Variants in ATP6AP2 observed in about 807,000 individuals in gnomAD.
ATP6AP2 encodes ATPase H+ transporting accessory protein 2.
Under a neutral mutation model 23.4 loss-of-function variants are expected in ATP6AP2, and 1 was observed. The observed-to-expected ratio is 0.04, with a 90% CI of 0.02 to 0.20. The LOEUF (loss-of-function observed/expected upper bound fraction) is 0.20. Among genes scored for constraint, ATP6AP2 ranks in the 10% least tolerant of loss-of-function variants. ATP6AP2 has a pLI of 1.00. For missense variants in ATP6AP2, 174 were observed against 271.3 expected (o/e 0.64, Z 2.52); for synonymous variants, 90 against 97.1 (o/e 0.93, Z 0.43).
chrX:40,589,808 C>T (rs1926576250), intron 2 of ATP6AP2: 2 of 111,406 alleles, frequency 1.8e-5, no homozygotes, highest in Admixed American at 1.9e-4. Context: ...ACAGCTTGCT[C>T]GGTGCTATCA....
chrX:40,589,332 A>C (rs1926563798), intron 2 of ATP6AP2: 1 of 401,290 alleles, frequency 2.5e-6, no homozygotes, highest in African/African-American at 2.5e-5. Context: ...CAGGAATTTG[A>C]GACCAACCTG....
chrX:40,605,660 G>A lies in ATP6AP2; in HGVS notation c.958G>A (p.Ala320Thr). ...VLWIMIALAL[A>T]VIITSYNIWN... is the part of the protein sequence containing the mutation. ...TTGGATAATGATCGCCTTGGCCTTG[G>A]CTGTGATTATCACCTCTTACAATAT... Residue 320 changes from alanine to threonine, a missense_variant, in exon 9 of 9, where the codon GCT (alanine) becomes ACT (threonine). By Grantham distance (58) the Ala-to-Thr change is moderately conservative. Transcript: ENST00000636580. 3.3e-6 allele frequency: 4 copies of A among 1,207,104 alleles called. No individual in the cohort carries two copies. Among genetic ancestry groups the A allele is most frequent in the Non-Finnish European group, 2.2e-6 (2 of 891,496 alleles).
At chrX:40,599,413 A>T in intron 6 of ATP6AP2, 179 bp from the exon 7 acceptor site, 1 of 493,728 alleles carries the variant, frequency 2.0e-6, no homozygotes, top group Non-Finnish European at 3.4e-6. Context: ...TGGATTTATC[A>T]GAAACGCTTA....
At chrX:40,591,980 C>T (rs2056353696) in intron 3 of ATP6AP2, 1 of 113,027 alleles carries the variant, frequency 8.8e-6, no homozygotes, top group African/African-American at 3.2e-5. Context: ...GAAGCTGACG[C>T]TGAAACTGTG....
rs146782503 is a variant in ATP6AP2 at position 40,593,999 on chromosome X, A to G, written c.300+2634A>G. Among the ~76,000 whole-genome samples, 757 of 111,589 alleles carry G rather than the reference A, an allele frequency of 6.8e-3. 5 individuals carry two copies. The highest frequency in any genetic ancestry group is 0.023 in the African/African-American group (697 of 30,688). Reference sequence around the variant, plus strand: ...TTGCTGGATCATGCTTTAGTGATCTATTGCACAAAATGGTGACTATATTAA... The same window carrying G: ...TTGCTGGATCATGCTTTAGTGATCTGTTGCACAAAATGGTGACTATATTAA... On this transcript the variant is annotated intron_variant, in intron 3 of 8. Coordinates refer to ENST00000636580, the MANE Select transcript of ATP6AP2 (RefSeq NM_005765.3).
At chrX:40,598,066 T>G (rs952197565) in intron 5 of ATP6AP2, 2 of 202,545 alleles carry the variant, frequency 9.9e-6, no homozygotes, top group Non-Finnish European at 9.0e-6. Flanking sequence ...ATCTACTTGG[T>G]GACTGGTGGA....
intron 8 of ATP6AP2, among the ~76,000 whole-genome samples, chrX:40,601,797 A>C (rs1926912958): frequency 8.9e-6 from 1 of 111,739 alleles, no homozygotes; most frequent in African/African-American, 3.3e-5. Flanking sequence ...TGGGACTTGG[A>C]GTCGGAAGGT....
intron 2 of ATP6AP2, 92 bp downstream of exon 2, chrX:40,589,208 A>G: frequency 9.6e-7 from 1 of 1,038,252 alleles, no homozygotes; most frequent in Non-Finnish European, 1.3e-6. Context: ...AAACGAACGT[A>G]GGTACGTTTG....
intron 1 of ATP6AP2, among the ~76,000 whole-genome samples, chrX:40,583,141 G>A (rs1926371649): frequency 8.9e-6 from 1 of 112,364 alleles, no homozygotes; most frequent in South Asian, 3.6e-4. Flanking sequence ...ATATCATGAG[G>A]CGTATTTGAT....
At chrX:40,604,642 C>T (rs111882580) in intron 8 of ATP6AP2, among the ~76,000 whole-genome samples, 2,279 of 111,512 alleles carry the variant, frequency 0.02, 54 homozygotes, top group African/African-American at 0.071. Flanking sequence ...CCTATTTTCT[C>T]CCTCTACCCT....
intron 8 of ATP6AP2, among the ~76,000 whole-genome samples, chrX:40,603,788 C>T (rs190728615): frequency 1.9e-4 from 21 of 111,183 alleles, no homozygotes; most frequent in African/African-American, 6.5e-4. Flanking sequence ...TGTCCCAGGC[C>T]GGAGTGCAGT....
intron 1 of ATP6AP2, among the ~76,000 whole-genome samples, chrX:40,585,679 C>A (rs1054344704): frequency 9.1e-6 from 1 of 109,568 alleles, no homozygotes; most frequent in Non-Finnish European, 1.9e-5. Flanking sequence ...CGTAGTGAAA[C>A]CCTGTCTCTA....
intron 1 of ATP6AP2, among the ~76,000 whole-genome samples, chrX:40,582,622 GTTTC>G (rs1034325122): frequency 9.0e-6 from 1 of 111,708 alleles, no homozygotes; most frequent in African/African-American, 3.3e-5. Flanking sequence ...CGAGTTCTTT[GTTTC>G]TTTCTTCTGT....
At chrX:40,602,296 T>A (rs1296912368) in intron 8 of ATP6AP2, among the ~76,000 whole-genome samples, 2 of 92,431 alleles carry the variant, frequency 2.2e-5, no homozygotes, top group African/African-American at 1.0e-4. Flanking sequence ...AAAAAAAAAA[T>A]TACAAAAATA....
intron 2 of ATP6AP2, chrX:40,590,271 T>C (rs1036015042): frequency 3.6e-5 from 4 of 112,195 alleles, no homozygotes; most frequent in African/African-American, 1.3e-4. Flanking sequence ...GGCTGGTAGG[T>C]CTTTAACTCC....
chrX:40,602,459 G>T lies in ATP6AP2; in HGVS notation c.858+1578G>T, dbSNP rs1440122820. On this transcript the variant is annotated intron_variant, in intron 8 of 8. Coordinates refer to ENST00000636580, the MANE Select transcript of ATP6AP2 (RefSeq NM_005765.3). The stretch of plus-strand genomic sequence containing the variant: ...AGGTTAGGAGTTCGAGACCAGCCTG[G>T]CCAACATGGTGAAACTCCGTCTCTA... Among the ~76,000 whole-genome samples, 2 of 87,302 alleles carry T rather than the reference G, an allele frequency of 2.3e-5. 1 individual carries two copies. The highest frequency in any genetic ancestry group is 1.5e-4 in the African/African-American group (2 of 13,002). The allele number at this position is 87,302 out of a possible 115,157, so 75.8% of individuals were successfully genotyped here. A position where few individuals can be genotyped will look rare whatever the true frequency, so the allele number is the denominator to read the frequency against.
intron 1 of ATP6AP2, among the ~76,000 whole-genome samples, chrX:40,581,683 A>T (rs1000487240): frequency 4.5e-5 from 5 of 111,932 alleles, no homozygotes; most frequent in Non-Finnish European, 9.4e-5. Flanking sequence ...CAGAGTTCCA[A>T]ATTTTAAGGA....
intron 1 of ATP6AP2, among the ~76,000 whole-genome samples, chrX:40,584,286 G>A (rs1926402877): frequency 9.1e-6 from 1 of 109,795 alleles, no homozygotes; most frequent in Non-Finnish European, 1.9e-5. Flanking sequence ...AAACTCTTGG[G>A]CTCAAGTGAT....
In ATP6AP2 at chrX:40,581,401, G is replaced by T. The variant is rs1474334383; in HGVS notation, c.37+299G>T. ...TTCTTGCGCCTGAAAAGGCCCTTCA[G>T]AGTACGGAGATGCATTTCTCAGTGA... is the stretch of plus-strand genomic sequence containing the variant. On this transcript the variant is annotated intron_variant, in intron 1 of 8. Coordinates refer to ENST00000636580, the MANE Select transcript of ATP6AP2 (RefSeq NM_005765.3). 2.7e-5 allele frequency among the ~76,000 whole-genome samples: 3 copies of T among 113,148 alleles called. No individual in the cohort carries two copies. In the East Asian group the frequency reaches 8.4e-4, roughly 32 times the overall value.
Sources: gnomAD v4.1 joint callset for allele counts (sites outside exome capture counted in the v4.1 genomes callset) on GRCh38, gnomAD v4.1.1 for gene constraint, MANE v1.5 for transcripts, NCBI Gene and HGNC (gene_info 2026-07-23, HGNC 2026-07-21) for gene names.